Variants in GSTCD observed in about 807,000 individuals in gnomAD.
GSTCD encodes glutathione S-transferase C-terminal domain-containing protein.
A neutral mutation model predicts 68.3 loss-of-function variants in GSTCD; 44 were observed. The ratio of observed to expected loss-of-function variants is 0.64; its 90% CI spans 0.51 to 0.83. GSTCD has a LOEUF of 0.83. Ranked by LOEUF, GSTCD falls within the 40% of genes least tolerant of loss-of-function variation. The pLI is 0.00. For synonymous variants in GSTCD, 273 were observed against 255.2 expected, an observed-to-expected ratio of 1.07 and a Z score of -0.67; for missense variants, 739 against 735.9, an observed-to-expected ratio of 1.00 and a Z score of -0.05.
At chr4:105,734,906 C>A (rs966659641) in intron 5 of GSTCD, among the ~76,000 whole-genome samples, 1 of 152,150 alleles carries the variant, frequency 6.6e-6, no homozygotes, top group Admixed American at 6.5e-5. Flanking sequence ...ACAGTCAGGA[C>A]CCTCAGCTGC....
chr4:105,840,235 C>T, intron 10 of GSTCD: 1 of 454,534 alleles, frequency 2.2e-6, no homozygotes, highest in South Asian at 1.6e-5. Context: ...TAAAATGAAT[C>T]TTAATTTACA....
intron 5 of GSTCD, among the ~76,000 whole-genome samples, chr4:105,744,525 C>G (rs146035410): frequency 6.6e-6 from 1 of 152,018 alleles, no homozygotes; most frequent in East Asian, 1.9e-4. Flanking sequence ...CTTTATTTAC[C>G]ATCAGTATCA....
chr4:105,793,719 G>A (rs1319193422), intron 5 of GSTCD, among the ~76,000 whole-genome samples: 1 of 151,656 alleles, frequency 6.6e-6, no homozygotes, highest in South Asian at 2.1e-4. Flanking sequence ...CCCACCCACC[G>A]CAGCCAAGAT....
chr4:105,791,100 A>C (rs1445960024), intron 5 of GSTCD, among the ~76,000 whole-genome samples: 1 of 152,026 alleles, frequency 6.6e-6, no homozygotes, highest in Non-Finnish European at 1.5e-5. Flanking sequence ...CTATTAAGAA[A>C]AAAGAGGGGC....
At position 105,719,282 on chromosome 4, in the gene GSTCD, G is replaced by T; in HGVS notation, c.649G>T (p.Ala217Ser). 6.2e-7 allele frequency: 1 copy of T among 1,614,084 alleles called. No individual in the cohort carries two copies. Among genetic ancestry groups the T allele is most frequent in the Non-Finnish European group, 8.5e-7 (1 of 1,179,996 alleles). Reference protein sequence around the residue: ...GVGPPLTKGKAKSKVHTQETS... With the variant: ...GVGPPLTKGKSKSKVHTQETS... ...TGGGCCTCCCCTTACTAAGGGAAAG[G>T]CAAAGAGCAAGGTCCACACACAGGA... Residue 217 changes from alanine (A) to serine (S), a missense_variant, in exon 3 of 12, where the codon GCA becomes TCA. By Grantham distance (99) the Ala-to-Ser change is moderately conservative. Coordinates refer to ENST00000515279, the MANE Select transcript of GSTCD (RefSeq NM_001370181.1).
At chr4:105,730,654 A>G (rs753680353) in intron 5 of GSTCD, among the ~76,000 whole-genome samples, 3 of 152,140 alleles carry the variant, frequency 2.0e-5, no homozygotes, top group Non-Finnish European at 4.4e-5. Context: ...CCTTTGTCAG[A>G]TGAGTAGATG....
chr4:105,778,834 T>C (rs899092946), intron 5 of GSTCD, among the ~76,000 whole-genome samples: 1 of 152,146 alleles, frequency 6.6e-6, no homozygotes, highest in Non-Finnish European at 1.5e-5. Flanking sequence ...AATTCTAATA[T>C]ACCTTTTATC....
chr4:105,796,229 A>G (rs1735882424), intron 5 of GSTCD, among the ~76,000 whole-genome samples: 1 of 152,194 alleles, frequency 6.6e-6, no homozygotes, highest in African/African-American at 2.4e-5. Flanking sequence ...TTGTGCAGGG[A>G]AACTCCTGTT....
At chr4:105,771,200 G>A (rs892544926) in intron 5 of GSTCD, among the ~76,000 whole-genome samples, 8 of 151,584 alleles carry the variant, frequency 5.3e-5, no homozygotes, top group East Asian at 1.9e-4. Flanking sequence ...CATATACTTC[G>A]CCAACTTTTT....
chr4:105,756,082 A>T (rs2149231321), intron 5 of GSTCD, among the ~76,000 whole-genome samples: 1 of 152,352 alleles, frequency 6.6e-6, no homozygotes, highest in East Asian at 1.9e-4. Flanking sequence ...AATAAAGGAT[A>T]CAGATGAACA....
At chr4:105,817,713 T>G (rs998037371) in intron 5 of GSTCD, among the ~76,000 whole-genome samples, 2 of 151,930 alleles carry the variant, frequency 1.3e-5, no homozygotes, top group Non-Finnish European at 2.9e-5. Flanking sequence ...TAATTTCATG[T>G]ATTTTCTCAG....
At chr4:105,768,713 GATTTTTACTTAA>G (rs1397200659) in intron 5 of GSTCD, among the ~76,000 whole-genome samples, 2 of 151,650 alleles carry the variant, frequency 1.3e-5, no homozygotes, top group Non-Finnish European at 2.9e-5. Context: ...AAAATATGCT[GATTTTTACTTAA>G]ATGTTAACGT....
At chr4:105,828,717 G>C (rs1399517254) in intron 8 of GSTCD, among the ~76,000 whole-genome samples, 1 of 152,204 alleles carries the variant, frequency 6.6e-6, no homozygotes, top group East Asian at 1.9e-4. Flanking sequence ...TGGCAAGAAG[G>C]CTATCAGGAC....
chr4:105,791,254 G>A (rs1034223021), intron 5 of GSTCD, among the ~76,000 whole-genome samples: 3 of 151,712 alleles, frequency 2.0e-5, no homozygotes, highest in Non-Finnish European at 4.4e-5. Context: ...TTAGCCGGGC[G>A]TGGTGGTGGG....
At chr4:105,820,163 G>A (rs1578506707) in intron 5 of GSTCD, among the ~76,000 whole-genome samples, 1 of 151,032 alleles carries the variant, frequency 6.6e-6, no homozygotes, top group African/African-American at 2.4e-5. Flanking sequence ...TGCTTTGGAT[G>A]AACCAAAAAT....
intron 5 of GSTCD, among the ~76,000 whole-genome samples, chr4:105,760,165 G>A (rs1734347354): frequency 2.4e-5 from 1 of 42,530 alleles, no homozygotes; most frequent in Non-Finnish European, 4.7e-5. Flanking sequence ...AAAAAAAATA[G>A]GCAAAAAAAA....
intron 8 of GSTCD, among the ~76,000 whole-genome samples, chr4:105,832,819 A>G (rs913432679): frequency 6.6e-6 from 1 of 152,228 alleles, no homozygotes; most frequent in African/African-American, 2.4e-5. Context: ...AATTTTTACT[A>G]TGAAATTTTC....
rs375185292 is a variant in GSTCD, at chr4:105,719,419, C to T, written c.786C>T (p.Ile262=). The T allele has an allele frequency of 2.5e-6, 4 of 1,613,982 alleles. No individual in the cohort carries two copies. The highest frequency in any genetic ancestry group is 3.4e-6 in the Non-Finnish European group (4 of 1,179,980). ...CTACCAACAGAGAGCCTTCTCACAT[C>T]AGAAAAGCAAAAGCCTCCGACCTTC... ...PATTNREPSH[I]RKAKASDLPP... Residue 262 remains isoleucine (I), a synonymous_variant, in exon 3 of 12, where the codon ATC becomes ATT. Transcript: ENST00000515279.
intron 5 of GSTCD, among the ~76,000 whole-genome samples, chr4:105,815,873 A>G (rs187098662): frequency 3.1e-4 from 47 of 152,302 alleles, no homozygotes; most frequent in Non-Finnish European, 6.2e-4. Flanking sequence ...TGGACTTAAA[A>G]TAACAACAAC....
Sources: allele counts gnomAD v4.1 joint callset (sites outside exome capture counted in the v4.1 genomes callset), GRCh38; gene constraint gnomAD v4.1.1; transcripts MANE v1.5; gene names NCBI Gene and HGNC (gene_info 2026-07-23, HGNC 2026-07-21).